Variants in SPAST observed in about 807,000 individuals in gnomAD.
The protein encoded by SPAST is spastin.
In SPAST, 30 loss-of-function variants were observed where a neutral mutation model predicts 76.6. The ratio of observed to expected loss-of-function variants is 0.39; its 90% CI spans 0.29 to 0.53. The LOEUF (loss-of-function observed/expected upper bound fraction) is 0.53, where lower values mean the gene tolerates loss of function less well. Ranked by LOEUF, SPAST falls within the 20% of genes least tolerant of loss-of-function variation. The pLI, the probability that SPAST is intolerant of heterozygous loss-of-function variation, is 0.68. For missense variants in SPAST, 717 were observed against 770.5 expected, an observed-to-expected ratio of 0.93 and a Z score of 0.82; for synonymous variants, 305 against 281.0, an observed-to-expected ratio of 1.09 and a Z score of -0.86.
chr2:32,154,824 G>A lies in SPAST; in HGVS notation c.*328G>A, dbSNP rs1680201434. On this transcript the variant is annotated 3_prime_UTR_variant, in exon 17 of 17. Coordinates refer to ENST00000315285, the MANE Select transcript of SPAST (RefSeq NM_014946.4). ...ATAATTTGTATATTGTGTTGCAGAT[G>A]AAAGTATTCCAGGAACAGTGAATGG... The A allele has an allele frequency of 3.8e-6, 1 of 262,490 alleles. No individual in the cohort carries two copies. Among genetic ancestry groups the A allele is most frequent in the Non-Finnish European group, 7.5e-6 (1 of 133,888 alleles). 16.3% of individuals were successfully genotyped at this position (262,490 alleles called of 1,614,324 possible). A position where few individuals can be genotyped will look rare whatever the true frequency, so the allele number is the denominator to read the frequency against.
intron 7 of SPAST, among the ~76,000 whole-genome samples, chr2:32,125,513 G>A (rs1418899289): frequency 6.6e-6 from 1 of 151,928 alleles, no homozygotes; most frequent in African/African-American, 2.4e-5. Flanking sequence ...GTGAGCCACT[G>A]CGCCCAGCAG....
At chr2:32,084,453 C>T (rs181540531) in intron 1 of SPAST, among the ~76,000 whole-genome samples, 2,142 of 152,098 alleles carry the variant, frequency 0.014, 36 homozygotes, top group South Asian at 0.05. Context: ...CATGAGCCAC[C>T]GCCCCTGGCC....
chr2:32,082,639 G>A (rs1418418377), intron 1 of SPAST, among the ~76,000 whole-genome samples: 1 of 151,898 alleles, frequency 6.6e-6, no homozygotes, highest in Non-Finnish European at 1.5e-5. Flanking sequence ...GAGGTTCCAG[G>A]GAGCTGAGAT....
intron 1 of SPAST, among the ~76,000 whole-genome samples, chr2:32,079,148 C>T (rs1677096776): frequency 6.6e-6 from 1 of 152,100 alleles, no homozygotes; most frequent in Non-Finnish European, 1.5e-5. Flanking sequence ...ACCTCTTAGT[C>T]TTTACAATCT....
At chr2:32,080,574 A>G (rs369111512) in intron 1 of SPAST, among the ~76,000 whole-genome samples, 3 of 148,990 alleles carry the variant, frequency 2.0e-5, no homozygotes, top group Middle Eastern at 3.4e-3. Context: ...AGAAATGTCT[A>G]TGAGAAACTA....
chr2:32,137,649 A>T lies in SPAST; in HGVS notation c.1493+461A>T, dbSNP rs189463464. 7.8e-4 allele frequency among the ~76,000 whole-genome samples: 119 copies of T among 152,216 alleles called. 1 individual carries two copies. The highest frequency in any genetic ancestry group is 2.6e-3 in the African/African-American group (109 of 41,506). On this transcript the variant is annotated intron_variant, in intron 12 of 16. Coordinates refer to ENST00000315285, the MANE Select transcript of SPAST (RefSeq NM_014946.4). ...TACAATATTGCTCCATTGTTTCTAG[A>T]TTGGCTGTAGTAGTGTAAAAGTCTG...
intron 1 of SPAST, among the ~76,000 whole-genome samples, chr2:32,080,083 T>C (rs1189281278): frequency 6.6e-6 from 1 of 152,220 alleles, no homozygotes; most frequent in Non-Finnish European, 1.5e-5. Context: ...TCCACATTTG[T>C]TATTTTTCAT....
chr2:32,078,217 C>A (rs1481044598), intron 1 of SPAST, among the ~76,000 whole-genome samples: 2 of 152,110 alleles, frequency 1.3e-5, no homozygotes, highest in South Asian at 4.1e-4. Context: ...GTCTCGATCT[C>A]CTGACCTCGT....
In SPAST at chr2:32,154,428, A is replaced by G. The variant is rs1553321245; in HGVS notation, c.1783A>G (p.Ser595Gly). 1 of 1,613,216 alleles carries G rather than the reference A, an allele frequency of 6.2e-7. No individual in the cohort carries two copies. Among genetic ancestry groups the G allele is most frequent in the Admixed American group, 1.7e-5 (1 of 60,004 alleles). ...FTESLKKIKRSVSPQTLEAYI... is the reference protein window; with the variant it reads ...FTESLKKIKRGVSPQTLEAYI... ...TGAATCCTTGAAAAAAATAAAACGC[A>G]GCGTCAGCCCTCAAACTTTAGAAGC... Residue 595 changes from serine to glycine, a missense_variant, in exon 17 of 17, where the codon AGC becomes GGC. By Grantham distance (56) the Ser-to-Gly change is moderately conservative. Around this residue, in one of 3 missense-constraint regions of SPAST, gnomAD observed 96 missense variants for 127.6 expected, o/e 0.75. Transcript: ENST00000315285.
intron 13 of SPAST, among the ~76,000 whole-genome samples, chr2:32,142,360 T>TA (rs746998114): frequency 6.6e-5 from 10 of 152,248 alleles, no homozygotes; most frequent in Non-Finnish European, 1.0e-4. Context: ...AGCAAGATGA[T>TA]ATATGTCGCA....
At chr2:32,064,991 A>C (rs1676451647) in intron 1 of SPAST, among the ~76,000 whole-genome samples, 2 of 151,992 alleles carry the variant, frequency 1.3e-5, no homozygotes, top group African/African-American at 4.8e-5. Flanking sequence ...GAAAGCAAGG[A>C]TACTACATCT....
chr2:32,112,335 C>T, intron 4 of SPAST, among the ~76,000 whole-genome samples: 1 of 147,924 alleles, frequency 6.8e-6, no homozygotes, highest in Non-Finnish European at 1.5e-5. Context: ...TTTAAGGTAT[C>T]CTGAATGTGG....
At chr2:32,089,403 TAA>T (rs1343537526) in intron 2 of SPAST, 117 bp from the exon 3 acceptor site, 34 of 598,264 alleles carry the variant, frequency 5.7e-5, no homozygotes, top group South Asian at 1.7e-4. Context: ...TTCTTTTTTT[TAA>T]AAAAAAATTT....
chr2:32,110,807 A>G (rs925760460), intron 4 of SPAST, among the ~76,000 whole-genome samples: 1 of 135,668 alleles, frequency 7.4e-6, no homozygotes, highest in Non-Finnish European at 1.6e-5. Context: ...TACATAGTAT[A>G]CTATATAGTA....
chr2:32,088,859 G>A lies in SPAST; in HGVS notation c.503-663G>A, dbSNP rs144272217. ...CTGTGACCAAATTGGTGCATGCATG[G>A]GCAATGAAAAGCTATGTTGTGACTG... On this transcript the variant is annotated intron_variant, in intron 2 of 16. Coordinates refer to ENST00000315285, the MANE Select transcript of SPAST (RefSeq NM_014946.4). 8.8e-3 allele frequency among the ~76,000 whole-genome samples: 1,336 copies of A among 152,130 alleles called. 22 individuals carry two copies. Among genetic ancestry groups the A allele is most frequent in the South Asian group, 0.049 (238 of 4,816 alleles).
At chr2:32,116,630 C>A (rs1487778352) in intron 7 of SPAST, among the ~76,000 whole-genome samples, 1 of 152,122 alleles carries the variant, frequency 6.6e-6, no homozygotes, top group East Asian at 1.9e-4. Context: ...CTATGCCCAG[C>A]TAATTTTTGT....
chr2:32,113,187 G>A (rs1468689747), intron 4 of SPAST, among the ~76,000 whole-genome samples: 2 of 151,546 alleles, frequency 1.3e-5, no homozygotes, highest in African/African-American at 2.4e-5. Flanking sequence ...GATTGCAGTG[G>A]TGTGATCAGG....
In SPAST at chr2:32,083,411, C is replaced by T. The variant is rs146319311; in HGVS notation, c.416-4081C>T. On this transcript the variant is annotated intron_variant, in intron 1 of 16. Transcript: ENST00000315285. ...ATAAGAAACTACCAAACTGTTTTTC[C>T]AACTGGGTGCCATTTTGTTTCCTAC... 8.8e-3 allele frequency among the ~76,000 whole-genome samples: 1,339 copies of T among 151,766 alleles called. 23 individuals are homozygous for T. Among genetic ancestry groups the T allele is most frequent in the South Asian group, 0.05 (238 of 4,806 alleles).
At position 32,140,236 on chromosome 2, in the gene SPAST, A is replaced by T. The variant is rs141881314; in HGVS notation, c.1494-1668A>T. On this transcript the variant is annotated intron_variant, in intron 12 of 16. Coordinates refer to ENST00000315285, the MANE Select transcript of SPAST (RefSeq NM_014946.4). ...TCTCCTTTCTGCTATATCTTTTGTA[A>T]CTCTTCTTTCCTTGGTGGTTTTTTA... Among the ~76,000 whole-genome samples the T allele has an allele frequency of 3.3e-3, 498 of 150,282 alleles. 3 individuals are homozygous for T. Among genetic ancestry groups the T allele is most frequent in the African/African-American group, 0.012 (475 of 40,840 alleles).
Sources: gnomAD v4.1 joint callset for allele counts (sites outside exome capture counted in the v4.1 genomes callset) on GRCh38, gnomAD v4.1.1 for gene constraint, gnomAD v4.1.1 regional missense constraint, MANE v1.5 for transcripts, NCBI Gene and HGNC (gene_info 2026-07-23, HGNC 2026-07-21) for gene names.